The following ARHGDIB variants were observed in gnomAD, a reference collection of about 807,000 sequenced individuals.
The protein encoded by ARHGDIB is Rho GDP dissociation inhibitor beta, also known as rho GDP-dissociation inhibitor 2.
Under a neutral mutation model 22.6 loss-of-function variants are expected in ARHGDIB, and 20 were observed. That is an observed-to-expected ratio of 0.88 (90% confidence interval 0.62 to 1.28). ARHGDIB has a LOEUF of 1.28. Among genes scored for constraint, ARHGDIB ranks in the 50% most tolerant of loss-of-function variants. ARHGDIB has a pLI of 0.00. For missense variants in ARHGDIB, 254 were observed against 245.4 expected (o/e 1.04, Z -0.23); for synonymous variants, 114 against 96.1 (o/e 1.19, Z -1.09).
Position 14,942,096 on chromosome 12 carries a change from C to A in ARHGDIB, c.*426G>T, listed in dbSNP as rs1863874766. 1.1e-5 allele frequency: 2 copies of A among 177,528 alleles called. No homozygotes were observed. Among genetic ancestry groups the A allele is most frequent in the Admixed American group, 5.6e-5 (1 of 17,816 alleles). 11.0% of individuals were successfully genotyped at this position (177,528 alleles called of 1,614,324 possible). A position where few individuals can be genotyped will look rare whatever the true frequency, so the allele number is the denominator to read the frequency against. On this transcript the variant is annotated 3_prime_UTR_variant, in exon 6 of 6. Coordinates refer to ENST00000228945, the MANE Select transcript of ARHGDIB (RefSeq NM_001175.7). ...AGTGTCTCTCACAAAAGAAGAACTC[C>A]CTCTGGCAGGGGATGTGACTAGGGA...
intron 1 of ARHGDIB, 118 bp from the exon 2 acceptor site, chr12:14,950,842 C>A: frequency 4.1e-6 from 3 of 734,744 alleles, no homozygotes; most frequent in East Asian, 2.9e-5. Context: ...AGTCACTTTC[C>A]TGATTGTTTT....
intron 1 of ARHGDIB, among the ~76,000 whole-genome samples, chr12:14,953,903 T>C (rs1399128782): frequency 6.6e-6 from 1 of 151,716 alleles, no homozygotes; most frequent in Non-Finnish European, 1.5e-5. Context: ...CTCCCTTCTT[T>C]CTTTCTCTCT....
chr12:14,951,771 T>A (rs896252562), intron 1 of ARHGDIB, among the ~76,000 whole-genome samples: 1 of 139,902 alleles, frequency 7.1e-6, no homozygotes, highest in Non-Finnish European at 1.6e-5. Context: ...GATTCAAAAA[T>A]TATTCCTTTT....
At chr12:14,953,216 C>T (rs76828285) in intron 1 of ARHGDIB, among the ~76,000 whole-genome samples, 2,369 of 152,164 alleles carry the variant, frequency 0.016, 53 homozygotes, top group African/African-American at 0.052. Flanking sequence ...GATTTCTGTA[C>T]AAAATTTTGT....
At chr12:14,947,106 C>T (rs910872045) in intron 4 of ARHGDIB, among the ~76,000 whole-genome samples, 1 of 152,170 alleles carries the variant, frequency 6.6e-6, no homozygotes, top group African/African-American at 2.4e-5. Context: ...TGGTGGAGCC[C>T]AGGCCCTGGA....
At chr12:14,950,802 T>C in intron 1 of ARHGDIB, 78 bp from the exon 2 acceptor site, 1 of 1,181,706 alleles carries the variant, frequency 8.5e-7, no homozygotes, top group Non-Finnish European at 1.2e-6. Context: ...GTTAGCAGCC[T>C]CCTTACCCTC....
At chr12:14,957,501 T>C (rs1408422671) in intron 1 of ARHGDIB, among the ~76,000 whole-genome samples, 3 of 152,228 alleles carry the variant, frequency 2.0e-5, no homozygotes, top group African/African-American at 7.2e-5. Flanking sequence ...TTCTGGGGAA[T>C]TGAAAGGATT....
At chr12:14,948,093 A>T in intron 3 of ARHGDIB, 144 bp from the exon 4 acceptor site, 16 of 452,150 alleles carry the variant, frequency 3.5e-5, no homozygotes, top group East Asian at 1.1e-4. Flanking sequence ...ATTTGAGTTT[A>T]GTCCTTGCAC....
chr12:14,942,773 T>C (rs10772822), intron 5 of ARHGDIB, 52 bp from the exon 6 acceptor site: 1,265,855 of 1,516,448 alleles, frequency 0.83, 531,768 homozygotes, highest in Admixed American at 0.92. Context: ...AGGAAAAACA[T>C]ACACTGCAAA....
chr12:14,954,602 G>A (rs1864259588), intron 1 of ARHGDIB, among the ~76,000 whole-genome samples: 1 of 152,228 alleles, frequency 6.6e-6, no homozygotes, highest in Non-Finnish European at 1.5e-5. Flanking sequence ...TGCAACCACT[G>A]CGGATCTGAG....
At chr12:14,950,244 G>C (rs1478974081) in intron 2 of ARHGDIB, among the ~76,000 whole-genome samples, 1 of 152,172 alleles carries the variant, frequency 6.6e-6, no homozygotes, top group African/African-American at 2.4e-5. Context: ...GACTGAGAAA[G>C]AGAGAAAATG....
Position 14,942,047 on chromosome 12 carries a change from T to C in ARHGDIB, c.*475A>G, listed in dbSNP as rs1418898156. ...CAGAACACACACAGTTATTGTTTTA[T>C]TCTTGTTCTCTTGTGTCGTTTACAG... is the stretch of plus-strand genomic sequence containing the variant. On this transcript the variant is annotated 3_prime_UTR_variant, in exon 6 of 6. Coordinates refer to ENST00000228945, the MANE Select transcript of ARHGDIB (RefSeq NM_001175.7). 1.2e-5 allele frequency: 2 copies of C among 166,450 alleles called. No homozygotes were observed. The highest frequency in any genetic ancestry group is 2.6e-5 in the Non-Finnish European group (2 of 75,832). The allele number at this position is 166,450 out of a possible 1,614,324, so 10.3% of individuals were successfully genotyped here.
chr12:14,942,388 A>G lies in ARHGDIB; in HGVS notation c.*134T>C. 2.0e-6 allele frequency: 2 copies of G among 979,494 alleles called. No individual in the cohort carries two copies. The highest frequency in any genetic ancestry group is 3.1e-6 in the Non-Finnish European group (2 of 646,854). The allele number at this position is 979,494 out of a possible 1,614,324, so 60.7% of individuals were successfully genotyped here. A position where few individuals can be genotyped will look rare whatever the true frequency, so the allele number is the denominator to read the frequency against. ...GGACCACGTTGAGTGACAGGGTGGG[A>G]AAAGATGCATCAATAAGGAAATGTG... On this transcript the variant is annotated 3_prime_UTR_variant, in exon 6 of 6. Transcript: ENST00000228945.
intron 5 of ARHGDIB, among the ~76,000 whole-genome samples, chr12:14,943,391 TGTTGTTGTTG>T (rs1863925115): frequency 1.1e-5 from 1 of 88,190 alleles, no homozygotes; most frequent in African/African-American, 4.0e-5. Flanking sequence ...TTTTTTTTTT[TGTTGTTGTTG>T]TTGTTTTTTT....
At chr12:14,961,006 GA>G (rs1271902050) in intron 1 of ARHGDIB, 1 of 152,292 alleles carries the variant, frequency 6.6e-6, no homozygotes, top group East Asian at 1.9e-4. Context: ...TATATCACCA[GA>G]AAATTATTTA....
chr12:14,942,355 T>C lies in ARHGDIB; in HGVS notation c.*167A>G, dbSNP rs1863882649. On this transcript the variant is annotated 3_prime_UTR_variant, in exon 6 of 6. Coordinates refer to ENST00000228945, the MANE Select transcript of ARHGDIB (RefSeq NM_001175.7). ...GGTGAAAGCCCGGTTTTAAGCCTCT[T>C]GTTCTAGGGACCACGTTGAGTGACA... 1 of 743,832 alleles carries C rather than the reference T, an allele frequency of 1.3e-6. No homozygotes were observed. The highest frequency in any genetic ancestry group is 2.6e-5 in the Admixed American group (1 of 38,644). 46.1% of individuals were successfully genotyped at this position (743,832 alleles called of 1,614,324 possible).
intron 2 of ARHGDIB, 26 bp from the exon 3 acceptor site, chr12:14,949,911 T>C: frequency 6.2e-7 from 1 of 1,604,652 alleles, no homozygotes; most frequent in Non-Finnish European, 8.5e-7. Flanking sequence ...GGAATGTAAG[T>C]ACCAAGAAGA....
intron 1 of ARHGDIB, among the ~76,000 whole-genome samples, chr12:14,952,520 AC>A (rs1264565107): frequency 5.9e-5 from 9 of 152,304 alleles, no homozygotes; most frequent in African/African-American, 2.2e-4. Context: ...AGCAGAATAA[AC>A]ATAGTGACTA....
At chr12:14,956,529 C>T (rs975412054) in intron 1 of ARHGDIB, among the ~76,000 whole-genome samples, 1 of 152,146 alleles carries the variant, frequency 6.6e-6, no homozygotes, top group African/African-American at 2.4e-5. Flanking sequence ...CTGCTCATCC[C>T]CTATTCTACA....
Sources: gnomAD v4.1 joint callset for allele counts (sites outside exome capture counted in the v4.1 genomes callset) on GRCh38, gnomAD v4.1.1 for gene constraint, MANE v1.5 for transcripts, NCBI Gene and HGNC (gene_info 2026-07-23, HGNC 2026-07-21) for gene names.